The following LHFPL3 variants were observed in gnomAD, a reference collection of about 807,000 sequenced individuals.
The protein encoded by LHFPL3 is LHFPL tetraspan subfamily member 3 protein.
Under a neutral mutation model 19.3 loss-of-function variants are expected in LHFPL3, and 5 were observed. The ratio of observed to expected loss-of-function variants is 0.26; its 90% CI spans 0.14 to 0.54. LHFPL3 has a LOEUF of 0.54. Among genes scored for constraint, LHFPL3 ranks in the 20% least tolerant of loss-of-function variants. LHFPL3 has a pLI of 0.94. For synonymous variants in LHFPL3, 133 were observed against 126.2 expected (o/e 1.05, Z -0.36); for missense variants, 249 against 307.4 (o/e 0.81, Z 1.42).
intron 1 of LHFPL3, among the ~76,000 whole-genome samples, chr7:104,502,367 G>A (rs1161404745): frequency 2.0e-5 from 3 of 151,328 alleles, no homozygotes; most frequent in South Asian, 2.1e-4. Flanking sequence ...TTTAAGAACT[G>A]TGCTTCAGTT....
At chr7:104,347,481 G>T (rs1790093277) in intron 1 of LHFPL3, among the ~76,000 whole-genome samples, 1 of 152,152 alleles carries the variant, frequency 6.6e-6, no homozygotes, top group African/African-American at 2.4e-5. Context: ...TCAGGTGAAG[G>T]GTTGCAAGGA....
Position 104,563,403 on chromosome 7 carries a change from C to T in LHFPL3, c.446-173272C>T, listed in dbSNP as rs544546689. On this transcript the variant is annotated intron_variant, in intron 1 of 2. Coordinates refer to ENST00000424859, the MANE Select transcript of LHFPL3 (RefSeq NM_199000.3). ...CTCGTGGTGCACCGTTTTTTAAGCC[C>T]GTCGGAAAAGCACAGTATTCGGGTG... Among the ~76,000 whole-genome samples, 35 of 152,410 alleles carry T rather than the reference C, an allele frequency of 2.3e-4. No homozygotes were observed. The South Asian group carries it at 3.7e-3, about 16-fold the overall frequency.
At chr7:104,361,381 T>C (rs1014696934) in intron 1 of LHFPL3, among the ~76,000 whole-genome samples, 1 of 152,246 alleles carries the variant, frequency 6.6e-6, no homozygotes, top group Non-Finnish European at 1.5e-5. Context: ...GGGCCTGGAA[T>C]AATTGTTGTA....
chr7:104,618,107 T>C (rs531710681), intron 1 of LHFPL3, among the ~76,000 whole-genome samples: 18 of 152,326 alleles, frequency 1.2e-4, no homozygotes, highest in South Asian at 6.2e-4. Context: ...GCAGAAATTA[T>C]GTGTCAATGC....
At chr7:104,859,266 C>CAAA (rs565168699) in intron 2 of LHFPL3, among the ~76,000 whole-genome samples, 1 of 131,504 alleles carries the variant, frequency 7.6e-6, no homozygotes, top group East Asian at 2.2e-4. Context: ...GACACTGTCT[C>CAAA]AAAAAAAAAA....
chr7:104,349,128 T>C (rs1290945758), intron 1 of LHFPL3, among the ~76,000 whole-genome samples: 1 of 151,990 alleles, frequency 6.6e-6, no homozygotes, highest in Non-Finnish European at 1.5e-5. Flanking sequence ...AAAACCTATA[T>C]AGGTAGAGAA....
At chr7:104,822,396 T>C (rs1790691258) in intron 2 of LHFPL3, among the ~76,000 whole-genome samples, 1 of 152,202 alleles carries the variant, frequency 6.6e-6, no homozygotes, top group Admixed American at 6.5e-5. Flanking sequence ...AGTCTAAATC[T>C]GATAGTTTTC....
At chr7:104,383,502 G>C (rs1562880842) in intron 1 of LHFPL3, among the ~76,000 whole-genome samples, 1 of 152,194 alleles carries the variant, frequency 6.6e-6, no homozygotes, top group African/African-American at 2.4e-5. Context: ...GTTTTGCCCT[G>C]AGATATTAGC....
At chr7:104,436,252 G>T (rs34841398) in intron 1 of LHFPL3, among the ~76,000 whole-genome samples, 26,103 of 152,096 alleles carry the variant, frequency 0.17, 3,463 homozygotes, top group African/African-American at 0.37. Flanking sequence ...TTTGTAAGTG[G>T]TTTGCATTAT....
chr7:104,441,570 AT>A (rs142336017), intron 1 of LHFPL3, among the ~76,000 whole-genome samples: 2 of 151,686 alleles, frequency 1.3e-5, no homozygotes, highest in East Asian at 1.9e-4. Flanking sequence ...TGAGATCCTG[AT>A]TTTTTTATTT....
At chr7:104,809,379 C>T (rs1458515263) in intron 2 of LHFPL3, among the ~76,000 whole-genome samples, 1 of 152,172 alleles carries the variant, frequency 6.6e-6, no homozygotes, top group Non-Finnish European at 1.5e-5. Context: ...AAGTGAAAAG[C>T]TCTTTCCAAT....
Position 104,399,317 on chromosome 7 carries a change from T to C in LHFPL3, c.445+70093T>C, listed in dbSNP as rs767729015. Among the ~76,000 whole-genome samples, 4 of 152,328 alleles carry C rather than the reference T, an allele frequency of 2.6e-5. No individual in the cohort carries two copies. Among genetic ancestry groups the C allele is most frequent in the Non-Finnish European group, 5.9e-5 (4 of 68,020 alleles). ...GGTGTTTGGGGCAGTTTTACTTTCATTGGGTAAGTTACGATTAAATGTAAC... is the reference window on the plus strand; with the variant it reads ...GGTGTTTGGGGCAGTTTTACTTTCACTGGGTAAGTTACGATTAAATGTAAC... On this transcript the variant is annotated intron_variant, in intron 1 of 2. Transcript: ENST00000424859. This position sits in a 1 kb window ranked among gnomAD's most constrained non-coding sequence, Gnocchi z 4.4.
intron 2 of LHFPL3, among the ~76,000 whole-genome samples, chr7:104,900,303 G>A (rs1028024944): frequency 6.6e-6 from 1 of 152,156 alleles, no homozygotes; most frequent in African/African-American, 2.4e-5. Flanking sequence ...TCCTTAAGGG[G>A]AATGAGTGGA....
intron 1 of LHFPL3, among the ~76,000 whole-genome samples, chr7:104,378,407 G>A (rs191541212): frequency 3.4e-4 from 52 of 152,276 alleles, no homozygotes; most frequent in Non-Finnish European, 7.1e-4. Context: ...TTACTAAATA[G>A]TATTCCATTT....
rs567345534 is a variant in LHFPL3, at chr7:104,611,853, G to A, written c.446-124822G>A. ...TTGAAAGCAAGAAGATAATACAGAC[G>A]TGCTGTGCTTTGTATAATAGATGAT... On this transcript the variant is annotated intron_variant, in intron 1 of 2. Coordinates refer to ENST00000424859, the MANE Select transcript of LHFPL3 (RefSeq NM_199000.3). Among the ~76,000 whole-genome samples, 7 of 152,184 alleles carry A rather than the reference G, an allele frequency of 4.6e-5. No homozygotes were observed. In the East Asian group the frequency reaches 5.8e-4, roughly 13 times the overall value.
chr7:104,764,230 G>A (rs1562986163), intron 2 of LHFPL3, among the ~76,000 whole-genome samples: 1 of 152,126 alleles, frequency 6.6e-6, no homozygotes, highest in Non-Finnish European at 1.5e-5. Flanking sequence ...GTGCAGTGGT[G>A]TGATCTCGGT....
intron 2 of LHFPL3, among the ~76,000 whole-genome samples, chr7:104,752,197 T>C (rs1220909774): frequency 1.3e-5 from 2 of 152,142 alleles, no homozygotes; most frequent in Non-Finnish European, 2.9e-5. Flanking sequence ...CTTCTAATTT[T>C]AACGTTTCAG....
intron 1 of LHFPL3, among the ~76,000 whole-genome samples, chr7:104,676,331 C>T (rs1324224271): frequency 6.6e-6 from 1 of 152,182 alleles, no homozygotes; most frequent in Admixed American, 6.5e-5. Context: ...ACTAACACAT[C>T]AATAGAGGCC....
chr7:104,620,663 T>C (rs1554416202), intron 1 of LHFPL3, among the ~76,000 whole-genome samples: 5 of 143,524 alleles, frequency 3.5e-5, no homozygotes, highest in Non-Finnish European at 7.6e-5. Context: ...TGTAGCACTT[T>C]TCCCCCCAGT....
Sources: allele counts gnomAD v4.1 joint callset (sites outside exome capture counted in the v4.1 genomes callset), GRCh38; gene constraint gnomAD v4.1.1; non-coding constraint Gnocchi (gnomAD v3.1); transcripts MANE v1.5; gene names NCBI Gene and HGNC (gene_info 2026-07-23, HGNC 2026-07-21).